STXBP5L: variants seen among roughly 807,000 people sequenced by gnomAD.
STXBP5L encodes the protein syntaxin-binding protein 5-like.
In STXBP5L, 65 loss-of-function variants were observed where a neutral mutation model predicts 144.5. The ratio of observed to expected loss-of-function variants is 0.45; its 90% CI spans 0.37 to 0.55. The LOEUF (loss-of-function observed/expected upper bound fraction) is 0.55. Among genes scored for constraint, STXBP5L ranks in the 20% least tolerant of loss-of-function variants. STXBP5L has a pLI of 0.00. For missense variants in STXBP5L, 1,298 were observed against 1,405.5 expected (o/e 0.92, Z 1.22); for synonymous variants, 505 against 469.6 (o/e 1.08, Z -0.97).
At chr3:121,238,028 G>C (rs1015219622) in intron 12 of STXBP5L, among the ~76,000 whole-genome samples, 12 of 152,074 alleles carry the variant, frequency 7.9e-5, no homozygotes, top group Middle Eastern at 3.4e-3. Context: ...TATCTTCTGA[G>C]CTCTCCAAAC....
chr3:121,307,147 T>A (rs2043364079), intron 19 of STXBP5L, among the ~76,000 whole-genome samples: 1 of 152,050 alleles, frequency 6.6e-6, no homozygotes, highest in Non-Finnish European at 1.5e-5. Flanking sequence ...AGTCACTGAA[T>A]AAATAAATAA....
chr3:121,201,645 G>A (rs909581971), intron 9 of STXBP5L, among the ~76,000 whole-genome samples: 15 of 151,480 alleles, frequency 9.9e-5, no homozygotes, highest in African/African-American at 3.4e-4. Flanking sequence ...TGCAGTGGCC[G>A]TTACTGGTTG....
chr3:121,156,755 A>C (rs994026373), intron 8 of STXBP5L, among the ~76,000 whole-genome samples: 16 of 151,940 alleles, frequency 1.1e-4, no homozygotes, highest in African/African-American at 3.4e-4. Flanking sequence ...ATTTATAATA[A>C]TACAAATAAA....
intron 3 of STXBP5L, among the ~76,000 whole-genome samples, chr3:120,992,187 T>C (rs1177754733): frequency 6.6e-6 from 1 of 152,132 alleles, no homozygotes; most frequent in Non-Finnish European, 1.5e-5. Flanking sequence ...AATATTTCTC[T>C]GTATTTATGG....
intron 14 of STXBP5L, among the ~76,000 whole-genome samples, chr3:121,248,665 A>T (rs2049935195): frequency 6.6e-6 from 1 of 151,962 alleles, no homozygotes; most frequent in East Asian, 1.9e-4. Flanking sequence ...CTTACATGTC[A>T]ATTTTTGGTT....
chr3:121,266,371 C>T (rs1225486019), intron 18 of STXBP5L, among the ~76,000 whole-genome samples: 4 of 151,152 alleles, frequency 2.6e-5, no homozygotes, highest in Admixed American at 2.6e-4. Context: ...GAACCAATGA[C>T]AACCACTTGA....
chr3:121,025,401 TAA>T (rs140292168), intron 3 of STXBP5L, among the ~76,000 whole-genome samples: 6,440 of 152,174 alleles, frequency 0.042, 188 homozygotes, highest in Non-Finnish European at 0.068. Flanking sequence ...ACATTATATA[TAA>T]GTGGGTTTTC....
rs527656176 is a variant in STXBP5L at position 121,320,255 on chromosome 3, G to T, written c.2176+1715G>T. ...TCATTAAATTTATTCCTTTGTGTTTGTTTTTTTCCTATTATTGTGTTATTT... is the reference window on the plus strand; with the variant it reads ...TCATTAAATTTATTCCTTTGTGTTTTTTTTTTTCCTATTATTGTGTTATTT... On this transcript the variant is annotated intron_variant, in intron 20 of 26. Transcript: ENST00000471454. 1.2e-3 allele frequency among the ~76,000 whole-genome samples: 188 copies of T among 151,602 alleles called. 2 individuals carry two copies. Among genetic ancestry groups the T allele is most frequent in the Non-Finnish European group, 9.6e-4 (65 of 67,800 alleles).
At chr3:121,367,106 A>G (rs1262122873) in intron 20 of STXBP5L, among the ~76,000 whole-genome samples, 1 of 152,168 alleles carries the variant, frequency 6.6e-6, no homozygotes, top group Non-Finnish European at 1.5e-5. Context: ...CACAACATGA[A>G]CTAATAATTC....
intron 3 of STXBP5L, among the ~76,000 whole-genome samples, chr3:120,962,393 G>C (rs1207483648): frequency 6.6e-6 from 1 of 152,104 alleles, no homozygotes; most frequent in African/African-American, 2.4e-5. Context: ...TTTCTTCTAG[G>C]GTTTTTATGG....
chr3:121,117,312 T>G (rs531220445), intron 6 of STXBP5L, among the ~76,000 whole-genome samples: 1 of 151,898 alleles, frequency 6.6e-6, no homozygotes, highest in Non-Finnish European at 1.5e-5. Context: ...CTGAAAATGT[T>G]CTTGAAATAT....
chr3:121,313,277 C>T (rs1327532572), intron 19 of STXBP5L, among the ~76,000 whole-genome samples: 75 of 138,988 alleles, frequency 5.4e-4, no homozygotes, highest in Middle Eastern at 3.8e-3. Flanking sequence ...CTCCTCACTT[C>T]CCAGTAGGGG....
chr3:121,046,887 C>G (rs1268164743), intron 5 of STXBP5L, among the ~76,000 whole-genome samples: 1 of 151,704 alleles, frequency 6.6e-6, no homozygotes, highest in Non-Finnish European at 1.5e-5. Context: ...TATTTCTTGT[C>G]TTTTGCTAGC....
At chr3:121,314,342 G>A (rs1189516103) in intron 19 of STXBP5L, among the ~76,000 whole-genome samples, 7 of 139,240 alleles carry the variant, frequency 5.0e-5, no homozygotes, top group African/African-American at 1.6e-4. Flanking sequence ...CTGCAATCCC[G>A]GCACCTCGGG....
chr3:121,037,984 G>A (rs1389121199), intron 3 of STXBP5L, among the ~76,000 whole-genome samples: 3 of 151,862 alleles, frequency 2.0e-5, no homozygotes, highest in African/African-American at 7.2e-5. Flanking sequence ...AATTTCTAAA[G>A]TTTTTATGGT....
At chr3:121,186,406 C>T (rs979969174) in intron 9 of STXBP5L, among the ~76,000 whole-genome samples, 1 of 152,122 alleles carries the variant, frequency 6.6e-6, no homozygotes, top group African/African-American at 2.4e-5. Context: ...CAGTTTTTGC[C>T]CATTCAGTAT....
chr3:121,000,607 T>C (rs148642408), intron 3 of STXBP5L, among the ~76,000 whole-genome samples: 2 of 152,324 alleles, frequency 1.3e-5, no homozygotes, highest in Non-Finnish European at 2.9e-5. Context: ...CTGAATTCTA[T>C]GTCTGTCATT....
chr3:121,055,119 G>A (rs1560067152), intron 5 of STXBP5L, among the ~76,000 whole-genome samples: 1 of 152,078 alleles, frequency 6.6e-6, no homozygotes, highest in Non-Finnish European at 1.5e-5. Context: ...ATGTTTTAAT[G>A]CTTACATTAA....
intron 3 of STXBP5L, among the ~76,000 whole-genome samples, chr3:121,020,515 G>A (rs1488769532): frequency 6.6e-6 from 1 of 152,142 alleles, no homozygotes; most frequent in Admixed American, 6.5e-5. Context: ...TGAGGCAAAA[G>A]CATCAAGTAA....
Sources: gnomAD v4.1 joint callset for allele counts (sites outside exome capture counted in the v4.1 genomes callset) on GRCh38, gnomAD v4.1.1 for gene constraint, MANE v1.5 for transcripts, NCBI Gene and HGNC (gene_info 2026-07-23, HGNC 2026-07-21) for gene names.